FREM2: variants seen among roughly 807,000 people sequenced by gnomAD.
FREM2 encodes the protein FRAS1-related extracellular matrix protein 2.
A neutral mutation model predicts 219.9 loss-of-function variants in FREM2; 119 were observed. The ratio of observed to expected loss-of-function variants is 0.54; its 90% CI spans 0.47 to 0.63. The LOEUF is 0.63. Among genes scored for constraint, FREM2 ranks in the 30% least tolerant of loss-of-function variants. The probability of loss-of-function intolerance (pLI) is 0.00; values close to 1 mark genes in which losing one functional copy is unlikely to be tolerated. For synonymous variants in FREM2, 1,562 were observed against 1,522.8 expected (o/e 1.03, Z -0.60); for missense variants, 4,030 against 3,993.6 (o/e 1.01, Z -0.25).
rs571694324 is a variant in FREM2, at chr13:38,688,594, T to C, written c.1250T>C (p.Leu417Pro). 761 of 1,614,044 alleles carry C rather than the reference T, an allele frequency of 4.7e-4. 20 individuals carry two copies. The South Asian group carries it at 7.3e-3, about 15-fold the overall frequency. ...LFELELEVVD[L>P]EGAASDPFAF... ...GAACTGGAATTGGAGGTAGTGGATC[T>C]AGAAGGAGCAGCTTCAGACCCTTTT... The change falls in exon 1 of 24, where the codon CTA becomes CCA. Residue 417 changes from leucine to proline, a missense_variant. Coordinates refer to ENST00000280481, the MANE Select transcript of FREM2 (RefSeq NM_207361.6).
intron 3 of FREM2, among the ~76,000 whole-genome samples, chr13:38,765,772 T>C (rs189880934): frequency 6.6e-6 from 1 of 152,322 alleles, no homozygotes; most frequent in Non-Finnish European, 1.5e-5. Context: ...TCCCTGTCTT[T>C]GAGGTTGCTC....
At chr13:38,777,444 G>T (rs1873917375) in intron 4 of FREM2, among the ~76,000 whole-genome samples, 1 of 152,160 alleles carries the variant, frequency 6.6e-6, no homozygotes. Context: ...GAGTTTCTGG[G>T]TTGAAACCCC....
chr13:38,792,297 T>C (rs1874593626), intron 6 of FREM2, among the ~76,000 whole-genome samples: 1 of 152,114 alleles, frequency 6.6e-6, no homozygotes, highest in Non-Finnish European at 1.5e-5. Flanking sequence ...TGCAGTGAGC[T>C]GAGATCACAC....
chr13:38,712,327 T>C (rs1320989597), intron 2 of FREM2, among the ~76,000 whole-genome samples: 1 of 152,222 alleles, frequency 6.6e-6, no homozygotes, highest in Non-Finnish European at 1.5e-5. Context: ...GCTTAATTCA[T>C]AGTGGTTGTA....
In FREM2 at chr13:38,878,959, C is replaced by G; in HGVS notation, c.8988C>G (p.Asp2996Glu). The G allele has an allele frequency of 6.2e-7, 1 of 1,614,180 alleles. No individual in the cohort carries two copies. The highest frequency in any genetic ancestry group is 1.1e-5 in the South Asian group (1 of 91,082). The change falls in exon 23 of 24, where the codon GAC becomes GAG. Residue 2996 changes from aspartate to glutamate, a missense_variant. By Grantham distance (45) the Asp-to-Glu change is conservative. Around this residue, in one of 2 missense-constraint regions of FREM2, gnomAD observed 928 missense variants for 1,042.9 expected, o/e 0.89. Coordinates refer to ENST00000280481, the MANE Select transcript of FREM2 (RefSeq NM_207361.6). ...CTGGATCTGATGGATTTAAAGTCGA[C>G]TCAACACCACTCTTTCAGGTAGGCC... ...NQPGSDGFKV[D>E]STPLFQVALG...
At chr13:38,825,122 C>T (rs1380556346) in intron 6 of FREM2, among the ~76,000 whole-genome samples, 1 of 152,042 alleles carries the variant, frequency 6.6e-6, no homozygotes, top group African/African-American at 2.4e-5. Flanking sequence ...ATGTAAAGCA[C>T]TTAGAATACC....
intron 4 of FREM2, among the ~76,000 whole-genome samples, chr13:38,776,496 A>C (rs1376925346): frequency 6.6e-6 from 1 of 152,220 alleles, no homozygotes; most frequent in Non-Finnish European, 1.5e-5. Flanking sequence ...CAGAGAAATC[A>C]ATTTTGCCTG....
rs761511094 is a variant in FREM2 at position 38,688,064 on chromosome 13, T to C, written c.720T>C (p.Pro240=). The C allele has an allele frequency of 3.1e-6, 5 of 1,609,094 alleles. No homozygotes were observed. Among genetic ancestry groups the C allele is most frequent in the Non-Finnish European group, 4.3e-6 (5 of 1,176,204 alleles). The stretch of plus-strand genomic sequence containing the variant: ...AACTCCTCCACTACCCGCAGGTCCC[T>C]GGAGGAGCCAGAGAGGGAGGCGCCC... ...YGELLHYPQV[P]GGAREGGAPE... Residue 240 remains proline (P), a synonymous_variant, in exon 1 of 24, where the codon CCT becomes CCC. Coordinates refer to ENST00000280481, the MANE Select transcript of FREM2 (RefSeq NM_207361.6).
At chr13:38,802,242 C>T (rs1314344143) in intron 6 of FREM2, among the ~76,000 whole-genome samples, 1 of 151,598 alleles carries the variant, frequency 6.6e-6, no homozygotes, top group Non-Finnish European at 1.5e-5. Context: ...GCCACCAGGG[C>T]AAGTGGGGCC....
At chr13:38,723,909 A>G (rs1871401965) in intron 2 of FREM2, among the ~76,000 whole-genome samples, 1 of 152,206 alleles carries the variant, frequency 6.6e-6, no homozygotes, top group Non-Finnish European at 1.5e-5. Context: ...GTCACAGCTA[A>G]ATAACTTGCT....
Position 38,750,699 on chromosome 13 carries a change from C to CT in FREM2, c.5264-13593dup, listed in dbSNP as rs1236772621. On this transcript the variant is annotated intron_variant, in intron 2 of 23. Coordinates refer to ENST00000280481, the MANE Select transcript of FREM2 (RefSeq NM_207361.6). Reference sequence around the variant, plus strand: ...CTGTTTTTAGCCATGCTGTTTTCTTCTTTTTTTTTTTTGAGACGAAGTCTC... The same window carrying CT: ...CTGTTTTTAGCCATGCTGTTTTCTTCTTTTTTTTTTTTTGAGACGAAGTCTC... Among the ~76,000 whole-genome samples, 1,394 of 145,696 alleles carry CT rather than the reference C, an allele frequency of 9.6e-3. 12 individuals are homozygous for CT. Among genetic ancestry groups the CT allele is most frequent in the African/African-American group, 0.026 (1,047 of 40,102 alleles).
At chr13:38,836,710 A>G (rs1440541992) in intron 6 of FREM2, among the ~76,000 whole-genome samples, 2 of 152,076 alleles carry the variant, frequency 1.3e-5, no homozygotes, top group Non-Finnish European at 2.9e-5. Flanking sequence ...AATTTCTCCT[A>G]GATTTTCTAG....
intron 6 of FREM2, among the ~76,000 whole-genome samples, chr13:38,820,249 T>A (rs1875987745): frequency 6.6e-6 from 1 of 152,142 alleles, no homozygotes; most frequent in Admixed American, 6.6e-5. Flanking sequence ...GCATTTTGGC[T>A]CTCTTGTCAA....
At chr13:38,715,416 T>G (rs555288617) in intron 2 of FREM2, among the ~76,000 whole-genome samples, 1 of 152,290 alleles carries the variant, frequency 6.6e-6, no homozygotes, top group East Asian at 1.9e-4. Flanking sequence ...GTTGGAAGAC[T>G]TGACCAATAA....
chr13:38,743,674 C>T (rs1872341585), intron 2 of FREM2, among the ~76,000 whole-genome samples: 1 of 152,152 alleles, frequency 6.6e-6, no homozygotes, highest in Non-Finnish European at 1.5e-5. Flanking sequence ...GATAATTGTG[C>T]TCTGGAGTCA....
In FREM2 at chr13:38,690,912, CA is replaced by C. The variant is rs753746099; in HGVS notation, c.3569del (p.Gln1190ArgfsTer6). 4.3e-6 allele frequency: 7 copies of C among 1,614,104 alleles called. No individual in the cohort carries two copies. Among genetic ancestry groups the C allele is most frequent in the Non-Finnish European group, 5.1e-6 (6 of 1,179,980 alleles). On this transcript the variant is annotated frameshift_variant, in exon 1 of 24. Coordinates refer to ENST00000280481, the MANE Select transcript of FREM2 (RefSeq NM_207361.6). LOFTEE classifies it high-confidence loss of function. ...TGTAATCATTCCCACCAATGATGAA[CA>C]GCCAGAGATGTTTATGAGAGAATTT... ...PIVIIPTNDE[Q>X]PEMFMREFMV...
chr13:38,773,492 G>A (rs1593398566), intron 4 of FREM2, among the ~76,000 whole-genome samples: 1 of 152,130 alleles, frequency 6.6e-6, no homozygotes, highest in Non-Finnish European at 1.5e-5. Context: ...CTGGGCTAAA[G>A]CAAAGCTCCC....
Position 38,690,085 on chromosome 13 carries a change from G to T in FREM2, c.2741G>T (p.Cys914Phe), listed in dbSNP as rs1869752140. The change falls in exon 1 of 24, where the codon TGC becomes TTC. Residue 914 changes from cysteine (C) to phenylalanine (F), a missense_variant. By Grantham distance (205) the Cys-to-Phe change is radical (BLOSUM62 -2). This residue lies in a region of FREM2 where 3,102 missense variants were observed against 2,950.7 expected (regional missense o/e 1.05). Transcript: ENST00000280481. ...GGGGACAAGTCCCTGACTGATAGCT[G>T]CTCCTTGGAAGTCAGTGACAGACAT... ...HNGDKSLTDSCSLEVSDRHHV... is the reference protein window; with the variant it reads ...HNGDKSLTDSFSLEVSDRHHV... 3 of 1,613,956 alleles carry T rather than the reference G, an allele frequency of 1.9e-6. No homozygotes were observed. The highest frequency in any genetic ancestry group is 1.3e-5 in the African/African-American group (1 of 74,916).
At position 38,850,965 on chromosome 13, in the gene FREM2, T is replaced by C. The variant is rs779704117; in HGVS notation, c.6599T>C (p.Ile2200Thr). The stretch of plus-strand genomic sequence containing the variant: ...CCAGGTGAGACAGAAAAGCCCTGCA[T>C]TCTTGAGCTGATGGACGATGTGCTC... ...FLPGETEKPC[I>T]LELMDDVLYE... The change falls in exon 10 of 24, where the codon ATT (isoleucine) becomes ACT (threonine). Residue 2200 changes from isoleucine (I) to threonine (T), a missense_variant. Ile to Thr is a moderately conservative substitution (Grantham distance 89, BLOSUM62 -1). Around this residue, in one of 2 missense-constraint regions of FREM2, gnomAD observed 3,102 missense variants for 2,950.7 expected, o/e 1.05. Coordinates refer to ENST00000280481, the MANE Select transcript of FREM2 (RefSeq NM_207361.6). 6.2e-7 allele frequency: 1 copy of C among 1,612,928 alleles called. No homozygotes were observed. The highest frequency in any genetic ancestry group is 8.5e-7 in the Non-Finnish European group (1 of 1,179,932).
Sources: gnomAD v4.1 joint callset for allele counts (sites outside exome capture counted in the v4.1 genomes callset) on GRCh38, gnomAD v4.1.1 for gene constraint, gnomAD v4.1.1 regional missense constraint, MANE v1.5 for transcripts, NCBI Gene and HGNC (gene_info 2026-07-23, HGNC 2026-07-21) for gene names.